Variants in POU2AF3 observed in about 807,000 individuals in gnomAD.
POU2AF3 encodes the protein POU class 2 homeobox associating factor 3.
the POU2AF3 span, among the ~76,000 whole-genome samples, chr11:111,303,880 A>G: frequency 6.8e-6 from 1 of 147,938 alleles, no homozygotes; most frequent in Non-Finnish European, 1.5e-5. Flanking sequence ...CTTTAAAGCC[A>G]CACCTGAAAT....
chr11:111,306,164 C>A, the POU2AF3 span, among the ~76,000 whole-genome samples: 1 of 152,108 alleles, frequency 6.6e-6, no homozygotes, highest in African/African-American at 2.4e-5. Flanking sequence ...TTTATTTTTG[C>A]CCTAACCAGT....
At chr11:111,302,303 C>T in the POU2AF3 span, among the ~76,000 whole-genome samples, 1 of 152,174 alleles carries the variant, frequency 6.6e-6, no homozygotes, top group East Asian at 1.9e-4. Context: ...TAGCCTCAAC[C>T]CCTTCAGTTC....
At chr11:111,303,863 C>A in the POU2AF3 span, among the ~76,000 whole-genome samples, 1 of 149,752 alleles carries the variant, frequency 6.7e-6, no homozygotes, top group African/African-American at 2.5e-5. Context: ...ATACGGGTAC[C>A]TTTAAACTTT....
At chr11:111,308,014 CT>C in the POU2AF3 span, 2 of 1,442,596 alleles carry the variant, frequency 1.4e-6, no homozygotes, top group Non-Finnish European at 1.8e-6. Context: ...CTGTTCAGTT[CT>C]TTGATCCTGT....
the POU2AF3 span, chr11:111,308,673 A>G: frequency 2.8e-6 from 1 of 353,888 alleles, no homozygotes; most frequent in Middle Eastern, 7.4e-4. Context: ...CAATTGTTTT[A>G]CTTTTTGTAT....
chr11:111,298,926 A>C, the POU2AF3 span: 97 of 1,065,274 alleles, frequency 9.1e-5, no homozygotes, highest in African/African-American at 1.6e-3. Context: ...AGAGGCTCAC[A>C]GTGAGCCTGG....
the POU2AF3 span, chr11:111,306,375 T>G: frequency 2.4e-5 from 34 of 1,387,880 alleles, no homozygotes; most frequent in Middle Eastern, 7.5e-4. Context: ...AAAACCTGCC[T>G]TTTTCCTTTC....
the POU2AF3 span, among the ~76,000 whole-genome samples, chr11:111,301,917 A>T: frequency 2.0e-5 from 3 of 152,188 alleles, no homozygotes; most frequent in Non-Finnish European, 4.4e-5. Context: ...CAGAGTTTAG[A>T]GTTCAGATGC....
At chr11:111,298,903 T>TA in the POU2AF3 span, 5 of 1,099,008 alleles carry the variant, frequency 4.5e-6, no homozygotes, top group Non-Finnish European at 5.5e-6. Context: ...CAGAAGCTGC[T>TA]ACGGGGGGAG....
the POU2AF3 span, chr11:111,299,038 G>A: frequency 1.0e-6 from 1 of 991,124 alleles, no homozygotes; most frequent in Non-Finnish European, 1.2e-6. Context: ...GCCGATCGGG[G>A]AACGGGGTGG....
At chr11:111,301,182 A>G in the POU2AF3 span, among the ~76,000 whole-genome samples, 159 of 152,274 alleles carry the variant, frequency 1.0e-3, no homozygotes, top group African/African-American at 3.7e-3. Context: ...ACTTCCCTAA[A>G]ATGTATCAAC....
At chr11:111,306,652 G>C in the POU2AF3 span, 1 of 1,483,740 alleles carries the variant, frequency 6.7e-7, no homozygotes, top group Non-Finnish European at 9.2e-7. Flanking sequence ...TTATATACCT[G>C]ATTGTGTCTA....
the POU2AF3 span, among the ~76,000 whole-genome samples, chr11:111,301,512 TG>T: frequency 3.0e-4 from 4 of 13,544 alleles, no homozygotes; most frequent in South Asian, 0.013. Flanking sequence ...ATGCTGTTCA[TG>T]TGCAATGTGT....
chr11:111,305,843 C>T, the POU2AF3 span, among the ~76,000 whole-genome samples: 1 of 152,176 alleles, frequency 6.6e-6, no homozygotes, highest in Non-Finnish European at 1.5e-5. Flanking sequence ...TTAATTGGTA[C>T]TCTATGTTCC....
chr11:111,306,557 A>G, the POU2AF3 span: 1 of 1,551,570 alleles, frequency 6.4e-7, no homozygotes, highest in African/African-American at 1.4e-5. Context: ...TCAATTCCAC[A>G]CAAAGTGCTC....
chr11:111,306,245 G>T, the POU2AF3 span: 2 of 441,894 alleles, frequency 4.5e-6, no homozygotes, highest in Non-Finnish European at 7.8e-6. Flanking sequence ...GACAACTAAA[G>T]AGTCAAAATT....
At chr11:111,298,801 C>G in the POU2AF3 span, 1 of 1,202,594 alleles carries the variant, frequency 8.3e-7, no homozygotes, top group Non-Finnish European at 1.0e-6. Flanking sequence ...CCGAGTTGGC[C>G]GCTCCGGACG....
At chr11:111,307,706 G>T in the POU2AF3 span, among the ~76,000 whole-genome samples, 1 of 152,216 alleles carries the variant, frequency 6.6e-6, no homozygotes, top group Non-Finnish European at 1.5e-5. Flanking sequence ...GAAACATCCA[G>T]GGTGCCACCT....
the POU2AF3 span, among the ~76,000 whole-genome samples, chr11:111,301,519 T>C: frequency 7.3e-5 from 1 of 13,782 alleles, no homozygotes; most frequent in Non-Finnish European, 1.8e-4. Flanking sequence ...TCATGTGCAA[T>C]GTGTGACTTC....
Sources: allele counts gnomAD v4.1 joint callset (sites outside exome capture counted in the v4.1 genomes callset), GRCh38; gene constraint gnomAD v4.1.1; transcripts MANE v1.5; gene names NCBI Gene and HGNC (gene_info 2026-07-23, HGNC 2026-07-21).